RBFOX3: variants seen among roughly 807,000 people sequenced by gnomAD.
RBFOX3 encodes RNA binding fox-1 homolog 3.
RBFOX3 carries 17 observed loss-of-function variants against 48.7 expected under a neutral mutation model. The observed-to-expected ratio is 0.35, with a 90% CI of 0.24 to 0.52. The LOEUF is 0.52. Ranked by LOEUF, RBFOX3 falls within the 20% of genes least tolerant of loss-of-function variation. RBFOX3 has a pLI of 0.94. For synonymous variants in RBFOX3, 212 were observed against 209.5 expected (o/e 1.01, Z -0.10); for missense variants, 382 against 497.5 (o/e 0.77, Z 2.21).
intron 4 of RBFOX3, among the ~76,000 whole-genome samples, chr17:79,157,919 C>T (rs551215038): frequency 6.6e-6 from 1 of 152,302 alleles, no homozygotes; most frequent in South Asian, 2.1e-4. Context: ...CCCTGGGGAG[C>T]TGCCTCTGCT....
chr17:79,173,197 G>A (rs55782077), intron 4 of RBFOX3, among the ~76,000 whole-genome samples: 24,433 of 151,552 alleles, frequency 0.16, 2,975 homozygotes, highest in African/African-American at 0.34. Flanking sequence ...GAGACAGAAC[G>A]AGACTGTCAA....
intron 2 of RBFOX3, among the ~76,000 whole-genome samples, chr17:79,422,416 A>C (rs1598622803): frequency 7.2e-6 from 1 of 139,134 alleles, no homozygotes; most frequent in South Asian, 2.3e-4. Context: ...CTCCACTCCC[A>C]GGCCGGTGCC....
rs535625689 is a variant in RBFOX3, at chr17:79,405,287, C to T, written c.-175+77167G>A. 5.3e-5 allele frequency among the ~76,000 whole-genome samples: 8 copies of T among 152,298 alleles called. 1 individual carries two copies. The highest frequency in any genetic ancestry group is 9.6e-5 in the African/African-American group (4 of 41,566). ...CACATCTGAGCCCATCTCCACCCTC[C>T]GCCGCCCGACAACCTAGTTTATTAT... On this transcript the variant is annotated intron_variant, in intron 2 of 14. Transcript: ENST00000693108.
chr17:79,256,479 A>C (rs1189647121), intron 3 of RBFOX3, among the ~76,000 whole-genome samples: 1 of 152,236 alleles, frequency 6.6e-6, no homozygotes, highest in Non-Finnish European at 1.5e-5. Flanking sequence ...TAATGAGATA[A>C]GTACTTTGAA....
chr17:79,525,181 G>A (rs942810480), intron 1 of RBFOX3, among the ~76,000 whole-genome samples: 16 of 152,282 alleles, frequency 1.1e-4, no homozygotes, highest in Admixed American at 1.0e-3. Flanking sequence ...TGTGCATTGT[G>A]AGGTGTGGAG....
intron 2 of RBFOX3, among the ~76,000 whole-genome samples, chr17:79,399,844 T>C (rs1276092251): frequency 2.0e-5 from 3 of 152,246 alleles, no homozygotes; most frequent in South Asian, 2.1e-4. Flanking sequence ...GAAAGAATGC[T>C]GGCTTTCTCT....
At chr17:79,496,429 A>G (rs1253714768) in intron 1 of RBFOX3, among the ~76,000 whole-genome samples, 4 of 152,160 alleles carry the variant, frequency 2.6e-5, no homozygotes, top group Admixed American at 6.5e-5. Flanking sequence ...CCTGGGCATC[A>G]GGGAAATAAC....
the RBFOX3 span, among the ~76,000 whole-genome samples, chr17:79,623,864 G>C: frequency 6.6e-6 from 1 of 151,762 alleles, no homozygotes; most frequent in South Asian, 2.1e-4. Flanking sequence ...AAGAGAGTCG[G>C]TGTCAGAGAC....
chr17:79,136,978 T>A (rs1848526225), intron 4 of RBFOX3, among the ~76,000 whole-genome samples: 1 of 151,996 alleles, frequency 6.6e-6, no homozygotes, highest in Non-Finnish European at 1.5e-5. Context: ...GTCCTGGGAT[T>A]CTGCACATTC....
At chr17:79,651,538 G>A in the RBFOX3 span, among the ~76,000 whole-genome samples, 10 of 151,964 alleles carry the variant, frequency 6.6e-5, no homozygotes, top group African/African-American at 2.2e-4. Context: ...TGGTGATATG[G>A]CACTTCCGAG....
chr17:79,377,196 C>T (rs531176824), intron 2 of RBFOX3, among the ~76,000 whole-genome samples: 6 of 151,990 alleles, frequency 3.9e-5, no homozygotes, highest in Non-Finnish European at 7.3e-5. Flanking sequence ...ACACAGAGCA[C>T]ACGTGTACAC....
At chr17:79,555,544 ATGG>A (rs2091636388) in intron 1 of RBFOX3, among the ~76,000 whole-genome samples, 2 of 104,800 alleles carry the variant, frequency 1.9e-5, no homozygotes, top group Non-Finnish European at 4.0e-5. Context: ...GGTGGTGGTG[ATGG>A]TGGTGATGAT....
chr17:79,393,938 T>C (rs116817693), intron 2 of RBFOX3, among the ~76,000 whole-genome samples: 1,502 of 109,230 alleles, frequency 0.014, 30 homozygotes, highest in African/African-American at 0.045. Flanking sequence ...CCGGTCATCA[T>C]ACACATCATC....
intron 1 of RBFOX3, among the ~76,000 whole-genome samples, chr17:79,529,628 G>A (rs2087385313): frequency 6.6e-6 from 1 of 152,204 alleles, no homozygotes. Flanking sequence ...TGAGGTCAAG[G>A]GGTAGAGGAC....
rs183729667 is a variant in RBFOX3 at position 79,450,103 on chromosome 17, C to T, written c.-175+32351G>A. On this transcript the variant is annotated intron_variant, in intron 2 of 14. Transcript: ENST00000693108. ...CACCTGACATACACACACACACATG[C>T]ACACGCATGATGAAACAGAAGCCAT... is the stretch of plus-strand genomic sequence containing the variant. Among the ~76,000 whole-genome samples, 13 of 152,326 alleles carry T rather than the reference C, an allele frequency of 8.5e-5. No homozygotes were observed. In the South Asian group the frequency reaches 2.7e-3, roughly 32 times the overall value.
At chr17:79,539,260 G>C (rs1555789560) in intron 1 of RBFOX3, among the ~76,000 whole-genome samples, 1 of 152,166 alleles carries the variant, frequency 6.6e-6, no homozygotes, top group African/African-American at 2.4e-5. Context: ...GCTGAGGTGG[G>C]AAGATCACTT....
chr17:79,369,047 G>A (rs1300453880), intron 2 of RBFOX3, among the ~76,000 whole-genome samples: 4 of 152,096 alleles, frequency 2.6e-5, no homozygotes, highest in African/African-American at 7.2e-5. Context: ...AGCGAGGAGG[G>A]GCTCCAACCA....
Position 79,103,304 on chromosome 17 carries a change from C to T in RBFOX3, c.415-50G>A, listed in dbSNP as rs956325331. 2.0e-5 allele frequency: 24 copies of T among 1,205,814 alleles called. No homozygotes were observed. The highest frequency in any genetic ancestry group is 1.9e-4 in the Middle Eastern group (1 of 5,264). 74.7% of individuals were successfully genotyped at this position (1,205,814 alleles called of 1,614,324 possible). A position where few individuals can be genotyped will look rare whatever the true frequency, so the allele number is the denominator to read the frequency against. On this transcript the variant is annotated intron_variant, in intron 7 of 14. Coordinates refer to ENST00000693108, the MANE Select transcript of RBFOX3 (RefSeq NM_001350451.2). The surrounding 1 kb of genome is among the most constrained non-coding windows in gnomAD (Gnocchi z 6.1). ...CAGGCACGGAGAGGAGGACACAGGGCGAGAAAGAGGAGGAAGACGAGGAAG... is the reference window on the plus strand; with the variant it reads ...CAGGCACGGAGAGGAGGACACAGGGTGAGAAAGAGGAGGAAGACGAGGAAG...
intron 2 of RBFOX3, among the ~76,000 whole-genome samples, chr17:79,460,248 C>T (rs1276363990): frequency 6.6e-6 from 1 of 152,112 alleles, no homozygotes; most frequent in Non-Finnish European, 1.5e-5. Flanking sequence ...ATTAATAGTT[C>T]ATGTTATGTT....
Sources: allele counts gnomAD v4.1 joint callset (sites outside exome capture counted in the v4.1 genomes callset), GRCh38; gene constraint gnomAD v4.1.1; non-coding constraint Gnocchi (gnomAD v3.1); transcripts MANE v1.5; gene names NCBI Gene and HGNC (gene_info 2026-07-23, HGNC 2026-07-21).